Variants in ENTPD1 observed in about 807,000 individuals in gnomAD.
ENTPD1 encodes the protein ectonucleoside triphosphate diphosphohydrolase 1.
Under a neutral mutation model 57.0 loss-of-function variants are expected in ENTPD1, and 33 were observed. The observed-to-expected ratio is 0.58, with a 90% confidence interval of 0.44 to 0.77. The LOEUF (loss-of-function observed/expected upper bound fraction) is 0.77. ENTPD1 is among the 30% of genes least tolerant of loss of function. ENTPD1 has a pLI of 0.00. For missense variants in ENTPD1, 501 were observed against 603.4 expected (o/e 0.83, Z 1.78); for synonymous variants, 202 against 218.8 (o/e 0.92, Z 0.68).
intron 1 of ENTPD1, among the ~76,000 whole-genome samples, chr10:95,811,885 G>A (rs1371799301): frequency 6.6e-6 from 1 of 152,172 alleles, no homozygotes; most frequent in Non-Finnish European, 1.5e-5. Flanking sequence ...GAATGTCGCT[G>A]TCTATGCACC....
intron 7 of ENTPD1, among the ~76,000 whole-genome samples, chr10:95,857,899 C>T (rs368554312): frequency 1.3e-5 from 2 of 152,174 alleles, no homozygotes; most frequent in Non-Finnish European, 2.9e-5. Context: ...CGGTGGCTTA[C>T]GCCTGTAATC....
At chr10:95,851,596 C>G (rs960471328) in intron 7 of ENTPD1, among the ~76,000 whole-genome samples, 12 of 120,512 alleles carry the variant, frequency 1.0e-4, no homozygotes, top group African/African-American at 3.8e-4. Context: ...CACCCCACGA[C>G]AGTCCCCGGT....
At chr10:95,848,100 C>T (rs2098438938) in intron 7 of ENTPD1, among the ~76,000 whole-genome samples, 1 of 152,154 alleles carries the variant, frequency 6.6e-6, no homozygotes, top group African/African-American at 2.4e-5. Flanking sequence ...CCCAGGGGAC[C>T]TTGTGGGACA....
intron 1 of ENTPD1, among the ~76,000 whole-genome samples, chr10:95,717,337 GTTTTTTTT>G (rs10609572): frequency 0.48 from 60,378 of 126,548 alleles, 13,257 homozygotes; most frequent in East Asian, 0.75. Context: ...GATCTGCAGG[GTTTTTTTT>G]TTTTTTTTTT....
At chr10:95,825,644 C>G (rs1178538957) in intron 2 of ENTPD1, among the ~76,000 whole-genome samples, 1 of 152,216 alleles carries the variant, frequency 6.6e-6, no homozygotes, top group Non-Finnish European at 1.5e-5. Context: ...GTGGCACGAT[C>G]TCGGCTCACT....
intron 1 of ENTPD1, among the ~76,000 whole-genome samples, chr10:95,714,112 A>G (rs2097968845): frequency 6.6e-6 from 1 of 152,114 alleles, no homozygotes; most frequent in African/African-American, 2.4e-5. Flanking sequence ...GGAGTTCAAG[A>G]CCAGCCTGGG....
Position 95,809,633 on chromosome 10 carries a change from C to T in ENTPD1, c.17-13604C>T, listed in dbSNP as rs540632839. Among the ~76,000 whole-genome samples, 86 of 137,056 alleles carry T rather than the reference C, an allele frequency of 6.3e-4. 1 individual carries two copies. The highest frequency in any genetic ancestry group is 1.4e-3 in the African/African-American group (50 of 36,058). 89.9% of individuals were successfully genotyped at this position (137,056 alleles called of 152,430 possible). Reference sequence around the variant, plus strand: ...GCAGAGGCGCTCCCCACCTCCCAGACGGGGCGGATGCCGGGCAGAGGTGCT... The same window carrying T: ...GCAGAGGCGCTCCCCACCTCCCAGATGGGGCGGATGCCGGGCAGAGGTGCT... On this transcript the variant is annotated intron_variant, in intron 1 of 9. Transcript: ENST00000371205.
chr10:95,694,421 T>TA, the ENTPD1 span, among the ~76,000 whole-genome samples: 23 of 149,266 alleles, frequency 1.5e-4, no homozygotes, highest in East Asian at 5.9e-4. Context: ...ATGGCTTTTT[T>TA]AAAAAAAAAA....
rs1157486895 is a variant in ENTPD1, at chr10:95,839,827, GA to G, written c.262+21del. 9 of 1,612,576 alleles carry G rather than the reference GA, an allele frequency of 5.6e-6. No homozygotes were observed. Among genetic ancestry groups the G allele is most frequent in the Non-Finnish European group, 7.6e-6 (9 of 1,178,816 alleles). ...GTTAAAGGTAAGATGAAGACCAAGGGAAGGGGAGGCCAACAGTGGGGCATGA... is the reference window on the plus strand; with the variant it reads ...GTTAAAGGTAAGATGAAGACCAAGGGAGGGGAGGCCAACAGTGGGGCATGA... On this transcript the variant is annotated intron_variant, in intron 3 of 9. Transcript: ENST00000371205.
intron 8 of ENTPD1, among the ~76,000 whole-genome samples, chr10:95,863,646 A>G (rs1298554507): frequency 2.0e-5 from 3 of 152,210 alleles, no homozygotes; most frequent in Non-Finnish European, 4.4e-5. Flanking sequence ...ACAGGCAAGA[A>G]CCAAGTGAGA....
chr10:95,696,072 G>T, the ENTPD1 span, among the ~76,000 whole-genome samples: 2 of 152,144 alleles, frequency 1.3e-5, no homozygotes, highest in Non-Finnish European at 1.5e-5. Context: ...ATTTATTAGC[G>T]TTGGCAAAAG....
chr10:95,864,654 G>C, intron 8 of ENTPD1, 70 bp from the exon 9 acceptor site: 1 of 1,601,338 alleles, frequency 6.2e-7, no homozygotes, highest in Non-Finnish European at 8.5e-7. Flanking sequence ...ATCAGGGCTA[G>C]TAGAGAAAAA....
At chr10:95,762,664 G>C (rs1378225870) in intron 1 of ENTPD1, among the ~76,000 whole-genome samples, 1 of 152,146 alleles carries the variant, frequency 6.6e-6, no homozygotes, top group African/African-American at 2.4e-5. Context: ...TCTTTGTGCA[G>C]GAAGTTTTTT....
the ENTPD1 span, among the ~76,000 whole-genome samples, chr10:95,696,628 A>C: frequency 6.6e-6 from 1 of 152,196 alleles, no homozygotes; most frequent in Non-Finnish European, 1.5e-5. Flanking sequence ...TAGAACTCTC[A>C]ATACTTTTGA....
intron 7 of ENTPD1, among the ~76,000 whole-genome samples, chr10:95,853,193 A>G (rs1228916494): frequency 1.3e-5 from 2 of 152,188 alleles, no homozygotes; most frequent in Non-Finnish European, 2.9e-5. Context: ...CTTTGAAGCA[A>G]TTGTGAATGG....
intron 1 of ENTPD1, among the ~76,000 whole-genome samples, chr10:95,813,718 T>G (rs1018526904): frequency 2.0e-5 from 3 of 152,188 alleles, no homozygotes; most frequent in Non-Finnish European, 4.4e-5. Context: ...GCTTAGAATT[T>G]TATTTTGTAT....
chr10:95,734,549 G>A (rs1026831985), intron 1 of ENTPD1, among the ~76,000 whole-genome samples: 2 of 152,180 alleles, frequency 1.3e-5, no homozygotes, highest in African/African-American at 4.8e-5. Context: ...GCTGGGCAGA[G>A]GAAAGAACAA....
chr10:95,778,161 A>C (rs1029882263), intron 1 of ENTPD1, among the ~76,000 whole-genome samples: 1 of 152,156 alleles, frequency 6.6e-6, no homozygotes, highest in African/African-American at 2.4e-5. Flanking sequence ...CCCACTGTCC[A>C]ACCAGTCCCA....
At position 95,876,472 on chromosome 10, in the gene ENTPD1, T is replaced by C. The variant is rs2098485899; in HGVS notation, c.*10089T>C. 6 of 1,231,288 alleles carry C rather than the reference T, an allele frequency of 4.9e-6. No individual in the cohort carries two copies. The highest frequency in any genetic ancestry group is 3.1e-4 in the Middle Eastern group (1 of 3,224). The allele number at this position is 1,231,288 out of a possible 1,614,324, so 76.3% of individuals were successfully genotyped here. On this transcript the variant is annotated 3_prime_UTR_variant, in exon 10 of 10. Transcript: ENST00000371205. ...ATAATTGTAATCAATAGCTTAAAAA[T>C]ATGTCTCTCTGTCCTATTCTGTATC...
Sources: gnomAD v4.1 joint callset for allele counts (sites outside exome capture counted in the v4.1 genomes callset) on GRCh38, gnomAD v4.1.1 for gene constraint, MANE v1.5 for transcripts, NCBI Gene and HGNC (gene_info 2026-07-23, HGNC 2026-07-21) for gene names.